EIF5A2: variants seen among roughly 807,000 people sequenced by gnomAD.
The protein encoded by EIF5A2 is eukaryotic translation initiation factor 5A2.
EIF5A2 carries 15 observed loss-of-function variants against 16.4 expected under a neutral mutation model. The ratio of observed to expected loss-of-function variants is 0.92; its 90% CI spans 0.61 to 1.41. The LOEUF is 1.41. EIF5A2 is among the 40% of genes most tolerant of loss of function. The pLI is 0.00. For missense variants in EIF5A2, 144 were observed against 189.5 expected (o/e 0.76, Z 1.41); for synonymous variants, 48 against 61.1 (o/e 0.79, Z 1.00).
rs1712551401 is a variant in EIF5A2, at chr3:170,892,209, C to G, written c.*1151G>C. 1 of 152,188 alleles carries G rather than the reference C, an allele frequency of 6.6e-6. No homozygotes were observed. Among genetic ancestry groups the G allele is most frequent in the South Asian group, 2.1e-4 (1 of 4,818 alleles). The allele number at this position is 152,188 out of a possible 1,614,324, so 9.4% of individuals were successfully genotyped here. A position where few individuals can be genotyped will look rare whatever the true frequency, so the allele number is the denominator to read the frequency against. On this transcript the variant is annotated 3_prime_UTR_variant, in exon 5 of 5. Transcript: ENST00000295822. ...TGGGAGGCTGAGGCAGGTGGATCAC[C>G]TGAGGTCAGGAGTTCAAGACCAGCC... is the stretch of plus-strand genomic sequence containing the variant.
chr3:170,897,927 C>T (rs1481451002), intron 3 of EIF5A2, among the ~76,000 whole-genome samples: 1 of 152,134 alleles, frequency 6.6e-6, no homozygotes, highest in African/African-American at 2.4e-5. Flanking sequence ...GTGGAGCTGC[C>T]CAAGACCTTG....
At position 170,888,929 on chromosome 3, in the gene EIF5A2, G is replaced by A. The variant is rs774707360; in HGVS notation, c.*4431C>T. On this transcript the variant is annotated 3_prime_UTR_variant, in exon 5 of 5. Transcript: ENST00000295822. ...AACTATGATGTGTGACAAGCTGTTCGGTCATTGCTGAAAATAGTCCAGAGT... is the reference window on the plus strand; with the variant it reads ...AACTATGATGTGTGACAAGCTGTTCAGTCATTGCTGAAAATAGTCCAGAGT... The A allele has an allele frequency of 6.6e-6, 1 of 151,886 alleles. No individual in the cohort carries two copies. The highest frequency in any genetic ancestry group is 1.5e-5 in the Non-Finnish European group (1 of 67,928). The allele number at this position is 151,886 out of a possible 1,614,324, so 9.4% of individuals were successfully genotyped here. A position where few individuals can be genotyped will look rare whatever the true frequency, so the allele number is the denominator to read the frequency against.
rs1207896925 is a variant in EIF5A2 at position 170,907,027 on chromosome 3, T to C, written c.232A>G (p.Asn78Asp). 1 of 1,612,272 alleles carries C rather than the reference T, an allele frequency of 6.2e-7. No homozygotes were observed. Among genetic ancestry groups the C allele is most frequent in the African/African-American group, 1.3e-5 (1 of 74,880 alleles). ...KYEDICPSTH[N>D]MDVPNIKRND... ...CTCTTAATATTTGGAACATCCATGT[T>C]GTGAGTAGAAGGACAAATATCTTCA... The change falls in exon 3 of 5, where the codon AAC (asparagine) becomes GAC (aspartate). Residue 78 changes from asparagine (N) to aspartate (D), a missense_variant. Transcript: ENST00000295822.
rs1712541904 is a variant in EIF5A2 at position 170,891,772 on chromosome 3, A to G, written c.*1588T>C. On this transcript the variant is annotated 3_prime_UTR_variant, in exon 5 of 5. Transcript: ENST00000295822. ...TTGTCACTGAGTCAAAGGTCCTCAC[A>G]AACCCTGTAATAATGTCTAAAATTC... The G allele has an allele frequency of 6.6e-6, 1 of 152,620 alleles. No individual in the cohort carries two copies. The allele number at this position is 152,620 out of a possible 1,614,324, so 9.5% of individuals were successfully genotyped here.
rs1291031899 is a variant in EIF5A2, at chr3:170,888,620, T to G, written c.*4740A>C. The G allele has an allele frequency of 1.3e-5, 2 of 152,584 alleles. No individual in the cohort carries two copies. The highest frequency in any genetic ancestry group is 4.8e-5 in the African/African-American group (2 of 41,454). 9.5% of individuals were successfully genotyped at this position (152,584 alleles called of 1,614,324 possible). A position where few individuals can be genotyped will look rare whatever the true frequency, so the allele number is the denominator to read the frequency against. On this transcript the variant is annotated 3_prime_UTR_variant, in exon 5 of 5. Transcript: ENST00000295822. ...ATACCCATACTACGTATTTTAGAATTTTAAAGTTTTAGCGAAAACATTTGA... is the reference window on the plus strand; with the variant it reads ...ATACCCATACTACGTATTTTAGAATGTTAAAGTTTTAGCGAAAACATTTGA...
At chr3:170,896,597 T>C (rs535549530) in intron 3 of EIF5A2, among the ~76,000 whole-genome samples, 2 of 152,336 alleles carry the variant, frequency 1.3e-5, no homozygotes, top group African/African-American at 4.8e-5. Context: ...CTTCGCCTTC[T>C]GCCGTGGTTC....
At position 170,889,711 on chromosome 3, in the gene EIF5A2, A is replaced by G. The variant is rs891287564; in HGVS notation, c.*3649T>C. On this transcript the variant is annotated 3_prime_UTR_variant, in exon 5 of 5. Transcript: ENST00000295822. ...GTATGTAAACATTTCAGTGTACCCA[A>G]AAAAGCATTATGAATTTATCTATTA... 1.3e-5 allele frequency: 2 copies of G among 152,514 alleles called. No individual in the cohort carries two copies. Among genetic ancestry groups the G allele is most frequent in the Non-Finnish European group, 2.9e-5 (2 of 67,956 alleles). 9.4% of individuals were successfully genotyped at this position (152,514 alleles called of 1,614,324 possible).
intron 3 of EIF5A2, among the ~76,000 whole-genome samples, chr3:170,900,219 A>G (rs1712776007): frequency 6.6e-6 from 1 of 151,854 alleles, no homozygotes; most frequent in South Asian, 2.1e-4. Flanking sequence ...AAAAATACAA[A>G]AATTAGCCAG....
intron 3 of EIF5A2, among the ~76,000 whole-genome samples, chr3:170,896,321 T>A (rs1224201606): frequency 6.6e-6 from 1 of 152,192 alleles, no homozygotes; most frequent in Non-Finnish European, 1.5e-5. Flanking sequence ...TTTTCAAAAA[T>A]AAAACTAAGC....
intron 3 of EIF5A2, among the ~76,000 whole-genome samples, chr3:170,895,843 A>AT (rs1553776245): frequency 3.3e-5 from 5 of 152,176 alleles, no homozygotes; most frequent in Admixed American, 6.5e-5. Flanking sequence ...CTTTTTAAAA[A>AT]ATATATATAT....
At chr3:170,895,929 C>A (rs1446532563) in intron 3 of EIF5A2, among the ~76,000 whole-genome samples, 1 of 152,186 alleles carries the variant, frequency 6.6e-6, no homozygotes, top group African/African-American at 2.4e-5. Flanking sequence ...TCTGCTTTAG[C>A]CTTCCAAGGA....
At chr3:170,903,231 G>A (rs1053199477) in intron 3 of EIF5A2, among the ~76,000 whole-genome samples, 4 of 152,176 alleles carry the variant, frequency 2.6e-5, no homozygotes, top group South Asian at 2.1e-4. Flanking sequence ...AGAATGCCTC[G>A]TTCCTGTCAT....
chr3:170,906,478 G>C (rs1027998848), intron 3 of EIF5A2, among the ~76,000 whole-genome samples: 1 of 152,090 alleles, frequency 6.6e-6, no homozygotes, highest in East Asian at 1.9e-4. Context: ...CAGTGACCAG[G>C]TACTTTATCC....
chr3:170,890,850 T>C lies in EIF5A2; in HGVS notation c.*2510A>G, dbSNP rs1712515813. The C allele has an allele frequency of 6.6e-6, 1 of 152,600 alleles. No homozygotes were observed. 9.5% of individuals were successfully genotyped at this position (152,600 alleles called of 1,614,324 possible). On this transcript the variant is annotated 3_prime_UTR_variant, in exon 5 of 5. Transcript: ENST00000295822. ...TCTGTTCTATGTTAAAAAATACATG[T>C]TCCCCGCTTCCTTTTAATATAATTT...
At chr3:170,894,168 A>G (rs760181140) in intron 4 of EIF5A2, 124 bp downstream of exon 4, 66 of 1,098,396 alleles carry the variant, frequency 6.0e-5, no homozygotes, top group Non-Finnish European at 7.8e-5. Context: ...TGCCTGAGAG[A>G]TCATTTTCAA....
chr3:170,906,858 T>C (rs1212268825), intron 3 of EIF5A2, 131 bp downstream of exon 3: 3 of 521,474 alleles, frequency 5.8e-6, no homozygotes, highest in African/African-American at 1.9e-5. Flanking sequence ...ATTTCTAAGA[T>C]AGCTGGTGCC....
intron 3 of EIF5A2, 25 bp from the exon 4 acceptor site, chr3:170,894,448 GTGC>G: frequency 9.3e-6 from 15 of 1,610,888 alleles, no homozygotes; most frequent in Non-Finnish European, 1.3e-5. Flanking sequence ...TATATCATTT[GTGC>G]TGATTAGATT....
chr3:170,892,246 G>C lies in EIF5A2; in HGVS notation c.*1114C>G, dbSNP rs921052998. The C allele has an allele frequency of 2.0e-5, 3 of 152,270 alleles. No homozygotes were observed. Among genetic ancestry groups the C allele is most frequent in the African/African-American group, 7.3e-5 (3 of 41,368 alleles). 9.4% of individuals were successfully genotyped at this position (152,270 alleles called of 1,614,324 possible). A position where few individuals can be genotyped will look rare whatever the true frequency, so the allele number is the denominator to read the frequency against. On this transcript the variant is annotated 3_prime_UTR_variant, in exon 5 of 5. Coordinates refer to ENST00000295822, the MANE Select transcript of EIF5A2 (RefSeq NM_020390.6). ...GTTCAAGACCAGCCTAGACAACATG[G>C]TGAAACCCCATCTCTACTAAAATAC... is the stretch of plus-strand genomic sequence containing the variant.
chr3:170,908,047 G>A (rs1430061312), intron 1 of EIF5A2, among the ~76,000 whole-genome samples: 6 of 152,200 alleles, frequency 3.9e-5, no homozygotes, highest in Non-Finnish European at 1.5e-5. Flanking sequence ...AGAAGTCGCA[G>A]AGGAGCTCGC....
Sources: gnomAD v4.1 joint callset for allele counts (sites outside exome capture counted in the v4.1 genomes callset) on GRCh38, gnomAD v4.1.1 for gene constraint, MANE v1.5 for transcripts, NCBI Gene and HGNC (gene_info 2026-07-23, HGNC 2026-07-21) for gene names.